The following ARHGAP6 variants were observed in gnomAD, a reference collection of about 807,000 sequenced individuals.
ARHGAP6 encodes rho GTPase-activating protein 6.
In ARHGAP6, 16 loss-of-function variants were observed where a neutral mutation model predicts 55.7. That is an observed-to-expected ratio of 0.29 (90% CI 0.19 to 0.44). ARHGAP6 has a LOEUF of 0.44. Ranked by LOEUF, ARHGAP6 falls within the 20% of genes least tolerant of loss-of-function variation. The probability of loss-of-function intolerance (pLI) is 1.00; values close to 1 mark genes in which losing one functional copy is unlikely to be tolerated. For missense variants in ARHGAP6, 698 were observed against 808.9 expected (o/e 0.86, Z 1.66); for synonymous variants, 382 against 360.9 (o/e 1.06, Z -0.66).
intron 1 of ARHGAP6, among the ~76,000 whole-genome samples, chrX:11,596,540 T>C: frequency 1.8e-5 from 2 of 111,327 alleles, no homozygotes; most frequent in Middle Eastern, 4.6e-3. Flanking sequence ...AACTGCACGT[T>C]CTGCACATGT....
At chrX:11,378,100 G>C (rs2049223081) in intron 1 of ARHGAP6, among the ~76,000 whole-genome samples, 1 of 112,146 alleles carries the variant, frequency 8.9e-6, no homozygotes, top group Non-Finnish European at 1.9e-5. Flanking sequence ...ATCTGAGAAA[G>C]AAGAGGAGGA....
intron 6 of ARHGAP6, 72 bp downstream of exon 6, chrX:11,181,991 A>G: frequency 1.1e-6 from 1 of 911,122 alleles, no homozygotes; most frequent in Non-Finnish European, 1.6e-6. Flanking sequence ...ATTTGCATAA[A>G]CTTGAACTTT....
intron 9 of ARHGAP6, among the ~76,000 whole-genome samples, chrX:11,158,981 C>T (rs979579219): frequency 1.2e-4 from 14 of 112,300 alleles, no homozygotes; most frequent in African/African-American, 2.9e-4. Context: ...CTTGGGAAGA[C>T]GCAGTTTTCA....
chrX:11,574,387 G>T (rs1353670727), intron 1 of ARHGAP6, among the ~76,000 whole-genome samples: 4 of 105,153 alleles, frequency 3.8e-5, no homozygotes, highest in Admixed American at 2.0e-4. Context: ...ATGATCAAGT[G>T]GGCTTCATCC....
intron 1 of ARHGAP6, among the ~76,000 whole-genome samples, chrX:11,410,877 C>T (rs892841314): frequency 2.8e-5 from 3 of 107,846 alleles, no homozygotes; most frequent in African/African-American, 1.0e-4. Flanking sequence ...ATTATAAATA[C>T]AAGTTAGAAA....
intron 1 of ARHGAP6, among the ~76,000 whole-genome samples, chrX:11,550,666 T>C (rs1368231177): frequency 2.7e-5 from 3 of 111,853 alleles, no homozygotes; most frequent in Non-Finnish European, 3.8e-5. Flanking sequence ...GGAGGGGCCT[T>C]GATGGATTTT....
At chrX:11,320,024 G>A (rs1304534943) in intron 1 of ARHGAP6, among the ~76,000 whole-genome samples, 1 of 111,762 alleles carries the variant, frequency 8.9e-6, no homozygotes, top group African/African-American at 3.2e-5. Flanking sequence ...ATCATCTACA[G>A]CACCGGATCC....
chrX:11,445,974 G>A (rs998130490), intron 1 of ARHGAP6, among the ~76,000 whole-genome samples: 10 of 111,632 alleles, frequency 9.0e-5, no homozygotes, highest in African/African-American at 2.9e-4. Context: ...CACAGGTTGA[G>A]TAAAGTTAAC....
chrX:11,624,536 A>G (rs1012120067), intron 1 of ARHGAP6, among the ~76,000 whole-genome samples: 4 of 112,970 alleles, frequency 3.5e-5, no homozygotes, highest in Non-Finnish European at 7.5e-5. Flanking sequence ...AATAATAATC[A>G]TCCAATTTTT....
chrX:11,473,315 G>A (rs1247481266), intron 1 of ARHGAP6, among the ~76,000 whole-genome samples: 5 of 111,549 alleles, frequency 4.5e-5, no homozygotes, highest in African/African-American at 9.8e-5. Context: ...TTGAAATCAC[G>A]GGTTGAATTG....
At chrX:11,574,032 T>C (rs1186899393) in intron 1 of ARHGAP6, among the ~76,000 whole-genome samples, 3 of 111,360 alleles carry the variant, frequency 2.7e-5, no homozygotes, top group Admixed American at 9.6e-5. Flanking sequence ...CAGGAAGAAG[T>C]TGAATCTCTG....
At chrX:11,353,898 T>A (rs1156285629) in intron 1 of ARHGAP6, among the ~76,000 whole-genome samples, 1 of 110,933 alleles carries the variant, frequency 9.0e-6, no homozygotes, top group Non-Finnish European at 1.9e-5. Context: ...GAGCTAACAA[T>A]CGTTTGTGAC....
chrX:11,501,011 A>T (rs1195427301), intron 1 of ARHGAP6, among the ~76,000 whole-genome samples: 1 of 112,033 alleles, frequency 8.9e-6, no homozygotes, highest in Non-Finnish European at 1.9e-5. Flanking sequence ...GAGGTTGGCA[A>T]ATTAGTTCTG....
rs765273397 is a variant in ARHGAP6, at chrX:11,262,570, T to C, written c.589-7863A>G. Among the ~76,000 whole-genome samples, 3 of 111,402 alleles carry C rather than the reference T, an allele frequency of 2.7e-5. No individual in the cohort carries two copies. In the East Asian group the frequency reaches 8.4e-4, roughly 31 times the overall value. The stretch of plus-strand genomic sequence containing the variant: ...AAACTCCCCAGGGCCAAACAAGGGG[T>C]GAGGCAGGGCTGTTCAAAATGTGGT... On this transcript the variant is annotated intron_variant, in intron 1 of 12. Coordinates refer to ENST00000337414, the MANE Select transcript of ARHGAP6 (RefSeq NM_013427.3).
chrX:11,501,954 C>CTG (rs201093479), intron 1 of ARHGAP6, among the ~76,000 whole-genome samples: 4 of 110,665 alleles, frequency 3.6e-5, no homozygotes, highest in Admixed American at 9.6e-5. Context: ...GAAAGATCAA[C>CTG]TGTGTGTGTG....
intron 2 of ARHGAP6, among the ~76,000 whole-genome samples, chrX:11,202,697 A>C (rs1343555236): frequency 2.9e-5 from 3 of 103,114 alleles, no homozygotes; most frequent in Non-Finnish European, 5.9e-5. Context: ...AATCCCAGCT[A>C]CTCAGGAGAC....
intron 2 of ARHGAP6, among the ~76,000 whole-genome samples, chrX:11,238,211 T>C (rs1043515529): frequency 8.9e-6 from 1 of 112,575 alleles, no homozygotes; most frequent in African/African-American, 3.2e-5. Context: ...TGTAAAAGTG[T>C]TTACAAATTA....
At chrX:11,422,410 T>G (rs1259565190) in intron 1 of ARHGAP6, among the ~76,000 whole-genome samples, 1 of 111,324 alleles carries the variant, frequency 9.0e-6, no homozygotes, top group Non-Finnish European at 1.9e-5. Context: ...GGGTGTGGTA[T>G]GAGGCAGAGA....
At chrX:11,609,033 C>A (rs189954229) in intron 1 of ARHGAP6, among the ~76,000 whole-genome samples, 1 of 111,892 alleles carries the variant, frequency 8.9e-6, no homozygotes, top group Admixed American at 9.5e-5. Context: ...GTACTTACTG[C>A]AATGGCTGAA....
Sources: allele counts gnomAD v4.1 joint callset (sites outside exome capture counted in the v4.1 genomes callset), GRCh38; gene constraint gnomAD v4.1.1; transcripts MANE v1.5; gene names NCBI Gene and HGNC (gene_info 2026-07-23, HGNC 2026-07-21).